DGKB: variants seen among roughly 807,000 people sequenced by gnomAD.
DGKB encodes 90 kDa diacylglycerol kinase.
Under a neutral mutation model 114.3 loss-of-function variants are expected in DGKB, and 67 were observed. The observed-to-expected ratio is 0.59, with a 90% CI of 0.48 to 0.72. The LOEUF (loss-of-function observed/expected upper bound fraction) is 0.72. Among genes scored for constraint, DGKB ranks in the 30% least tolerant of loss-of-function variants. The probability of loss-of-function intolerance (pLI) is 0.00; values close to 1 mark genes in which losing one functional copy is unlikely to be tolerated. For missense variants in DGKB, 907 were observed against 975.2 expected (o/e 0.93, Z 0.93); for synonymous variants, 398 against 323.1 (o/e 1.23, Z -2.49).
At chr7:14,537,459 T>A (rs765550270) in intron 20 of DGKB, among the ~76,000 whole-genome samples, 15 of 151,922 alleles carry the variant, frequency 9.9e-5, no homozygotes, top group Non-Finnish European at 1.9e-4. Flanking sequence ...TGGAACACAA[T>A]AGAGAGCCCA....
intron 1 of DGKB, among the ~76,000 whole-genome samples, chr7:14,844,348 G>A (rs1347071815): frequency 6.6e-6 from 1 of 152,204 alleles, no homozygotes; most frequent in Non-Finnish European, 1.5e-5. Flanking sequence ...ACATAAACTA[G>A]ACAGGGGTAA....
intron 1 of DGKB, among the ~76,000 whole-genome samples, chr7:14,851,249 T>A (rs553219047): frequency 3.9e-5 from 6 of 152,088 alleles, no homozygotes; most frequent in Non-Finnish European, 8.8e-5. Context: ...AAGAAAAAAT[T>A]CAAGGGAAAT....
chr7:14,272,616 T>C (rs1263912106), intron 23 of DGKB, among the ~76,000 whole-genome samples: 1 of 152,206 alleles, frequency 6.6e-6, no homozygotes. Flanking sequence ...ACTGTATCTA[T>C]GGTCACTCTA....
chr7:14,864,336 A>G (rs1409198617), intron 1 of DGKB, among the ~76,000 whole-genome samples: 1 of 152,076 alleles, frequency 6.6e-6, no homozygotes. Flanking sequence ...ATACAAACAC[A>G]CCCATGTAAT....
rs1369239302 is a variant in DGKB, at chr7:14,170,145, A to AAAAAGAAAGAAAG, written c.2304+6693_2304+6694insCTTTCTTTCTTTT. ...GAGAAACTCCATCTCAAAAAAAAAAAAAAGAAAGAAAGAAAGAAAGAAAGA... is the reference window on the plus strand; with the variant it reads ...GAGAAACTCCATCTCAAAAAAAAAAAAAAAGAAAGAAAGAAAGAAAGAAAGAAAGAAAGAAAGA... On this transcript the variant is annotated intron_variant, in intron 25 of 25. Coordinates refer to ENST00000402815, the MANE Select transcript of DGKB (RefSeq NM_001350709.2). Among the ~76,000 whole-genome samples, 38 of 99,998 alleles carry AAAAAGAAAGAAAG rather than the reference A, an allele frequency of 3.8e-4. 1 individual carries two copies. The East Asian group carries it at 4.7e-3, about 12-fold the overall frequency. The allele number at this position is 99,998 out of a possible 152,430, so 65.6% of individuals were successfully genotyped here.
At chr7:14,643,069 T>A (rs1278524587) in intron 13 of DGKB, among the ~76,000 whole-genome samples, 1 of 152,086 alleles carries the variant, frequency 6.6e-6, no homozygotes, top group Non-Finnish European at 1.5e-5. Context: ...ACAAATCAAA[T>A]GGAGCATCTA....
At chr7:14,959,135 T>G (rs2115263314) in intron 1 of DGKB, among the ~76,000 whole-genome samples, 1 of 152,176 alleles carries the variant, frequency 6.6e-6, no homozygotes, top group South Asian at 2.1e-4. Context: ...GTCTTCTCAT[T>G]TAGGAATATT....
At chr7:14,725,952 A>C (rs979072142) in intron 5 of DGKB, among the ~76,000 whole-genome samples, 1 of 152,194 alleles carries the variant, frequency 6.6e-6, no homozygotes. Flanking sequence ...AGCATTTATA[A>C]TGTACACAAT....
intron 21 of DGKB, among the ~76,000 whole-genome samples, chr7:14,439,877 A>AT (rs1829825460): frequency 6.6e-6 from 1 of 151,468 alleles, no homozygotes; most frequent in Admixed American, 6.6e-5. Flanking sequence ...AAAAAAAAAA[A>AT]AAAAAAAGTA....
intron 1 of DGKB, among the ~76,000 whole-genome samples, chr7:14,853,297 T>C (rs1434629499): frequency 6.6e-6 from 1 of 152,120 alleles, no homozygotes; most frequent in African/African-American, 2.4e-5. Flanking sequence ...ATTTTGACTG[T>C]ATATGCTTTT....
intron 6 of DGKB, among the ~76,000 whole-genome samples, chr7:14,715,399 C>G (rs970111026): frequency 6.6e-6 from 1 of 152,088 alleles, no homozygotes; most frequent in Non-Finnish European, 1.5e-5. Context: ...CCCTAAAGTA[C>G]TATGGAGCAC....
intron 23 of DGKB, among the ~76,000 whole-genome samples, chr7:14,213,195 G>C (rs1788417341): frequency 6.6e-6 from 1 of 151,940 alleles, no homozygotes; most frequent in South Asian, 2.1e-4. Flanking sequence ...ATATCAATTT[G>C]ATTCATTTTA....
chr7:14,672,933 A>G lies in DGKB; in HGVS notation c.1130T>C (p.Val377Ala). The G allele has an allele frequency of 1.3e-6, 2 of 1,553,238 alleles. No individual in the cohort carries two copies. Among genetic ancestry groups the G allele is most frequent in the Non-Finnish European group, 1.7e-6 (2 of 1,143,736 alleles). ...ILPPTTICPV[V>A]LTLPTSGVSV... is the part of the protein sequence containing the mutation. ...GAATGATAAGGAAAAACTCACCAGTACCACTGGACAGATTGTTGTGGGTGG... is the reference window on the plus strand; with the variant it reads ...GAATGATAAGGAAAAACTCACCAGTGCCACTGGACAGATTGTTGTGGGTGG... Residue 377 changes from valine (V) to alanine (A), a missense_variant, in exon 13 of 26, where the codon GTA (valine) becomes GCA (alanine). By Grantham distance (64) the Val-to-Ala change is moderately conservative. Around this residue, in one of 3 missense-constraint regions of DGKB, gnomAD observed 814 missense variants for 856.6 expected, o/e 0.95. Transcript: ENST00000402815.
chr7:14,570,896 T>C (rs1798284787), intron 20 of DGKB, among the ~76,000 whole-genome samples: 1 of 152,178 alleles, frequency 6.6e-6, no homozygotes, highest in Non-Finnish European at 1.5e-5. Flanking sequence ...TGTATTTCTG[T>C]TTCCTAATAT....
At chr7:14,836,065 T>C (rs1027166718) in intron 2 of DGKB, among the ~76,000 whole-genome samples, 8 of 152,176 alleles carry the variant, frequency 5.3e-5, no homozygotes, top group Admixed American at 3.3e-4. Flanking sequence ...GTGAGAAAGC[T>C]GAGGCTCAGG....
At chr7:14,295,008 A>G (rs1241039079) in intron 23 of DGKB, among the ~76,000 whole-genome samples, 1 of 152,190 alleles carries the variant, frequency 6.6e-6, no homozygotes, top group Non-Finnish European at 1.5e-5. Context: ...GAGGAAGGGC[A>G]TCCATCAACA....
intron 1 of DGKB, among the ~76,000 whole-genome samples, chr7:14,938,640 GCTT>G (rs1248007756): frequency 6.7e-6 from 1 of 148,522 alleles, no homozygotes; most frequent in African/African-American, 2.5e-5. Flanking sequence ...TTTTCTCATT[GCTT>G]CTTATTTTAA....
intron 23 of DGKB, 26 bp downstream of exon 23, chr7:14,338,489 T>A (rs1451823898): frequency 6.8e-7 from 1 of 1,470,210 alleles, no homozygotes; most frequent in Admixed American, 2.3e-5. Context: ...ACAAGCAATT[T>A]AACAACTAAT....
chr7:14,585,216 T>C (rs1342875902), intron 17 of DGKB, among the ~76,000 whole-genome samples: 2 of 152,178 alleles, frequency 1.3e-5, no homozygotes, highest in African/African-American at 4.8e-5. Flanking sequence ...AATATTTTAT[T>C]CGGTTCTAAT....
Sources: gnomAD v4.1 joint callset for allele counts (sites outside exome capture counted in the v4.1 genomes callset) on GRCh38, gnomAD v4.1.1 for gene constraint, gnomAD v4.1.1 regional missense constraint, MANE v1.5 for transcripts, NCBI Gene and HGNC (gene_info 2026-07-23, HGNC 2026-07-21) for gene names.